The following IL16 variants were observed in gnomAD, a reference collection of about 807,000 sequenced individuals.
IL16 encodes interleukin 16.
In IL16, 67 loss-of-function variants were observed where a neutral mutation model predicts 110.1. The observed-to-expected ratio is 0.61, with a 90% CI of 0.50 to 0.75. The LOEUF is 0.75. Among genes scored for constraint, IL16 ranks in the 30% least tolerant of loss-of-function variants. The pLI is 0.00. For missense variants in IL16, 1,545 were observed against 1,655.0 expected, an observed-to-expected ratio of 0.93 and a Z score of 1.15; for synonymous variants, 689 against 662.9, an observed-to-expected ratio of 1.04 and a Z score of -0.61.
At chr15:81,282,076 A>G (rs925175141) in intron 8 of IL16, among the ~76,000 whole-genome samples, 5 of 152,216 alleles carry the variant, frequency 3.3e-5, no homozygotes, top group Middle Eastern at 3.2e-3. Context: ...GCCCCACTGA[A>G]TCTGCGCTTG....
At chr15:81,246,077 T>A (rs1897536255) in intron 2 of IL16, among the ~76,000 whole-genome samples, 1 of 152,168 alleles carries the variant, frequency 6.6e-6, no homozygotes, top group Non-Finnish European at 1.5e-5. Flanking sequence ...TTCTACATAA[T>A]CATATCATCT....
rs1899645051 is a variant in IL16, at chr15:81,290,187, A to G, written c.1333-266A>G. 6 of 482,434 alleles carry G rather than the reference A, an allele frequency of 1.2e-5. No homozygotes were observed. The South Asian group carries it at 1.6e-4, about 13-fold the overall frequency. The allele number at this position is 482,434 out of a possible 1,614,324, so 29.9% of individuals were successfully genotyped here. A position where few individuals can be genotyped will look rare whatever the true frequency, so the allele number is the denominator to read the frequency against. ...GTGGTAACTTTGCCTAGAATTTTCC[A>G]GCAAGTAGTGGGGAGAAGGTTGGAG... On this transcript the variant is annotated intron_variant, in intron 10 of 18. Transcript: ENST00000683961.
chr15:81,256,671 C>T (rs1897958718), intron 2 of IL16, among the ~76,000 whole-genome samples: 1 of 152,020 alleles, frequency 6.6e-6, no homozygotes, highest in Non-Finnish European at 1.5e-5. Context: ...GCTTAGTATT[C>T]GATGTATTGT....
Position 81,278,865 on chromosome 15 carries a change from A to T in IL16, c.839A>T (p.His280Leu). The T allele has an allele frequency of 1.2e-6, 2 of 1,613,168 alleles. No individual in the cohort carries two copies. The highest frequency in any genetic ancestry group is 1.7e-6 in the Non-Finnish European group (2 of 1,179,092). ...GGTGAATCAATGGCTGGACTAACAC[A>T]TCAGGATGCTTTGCAGAAGTTCAAG... ...LNGESMAGLT[H>L]QDALQKFKQA... is the part of the protein sequence containing the mutation. The change falls in exon 7 of 19, where the codon CAT becomes CTT. Residue 280 changes from histidine to leucine, a missense_variant. Physicochemically the swap from His to Leu is moderately conservative, Grantham distance 99. Around this residue, in one of 3 missense-constraint regions of IL16, gnomAD observed 1,185 missense variants for 1,238.8 expected, o/e 0.96. Transcript: ENST00000683961.
intron 2 of IL16, among the ~76,000 whole-genome samples, chr15:81,256,156 T>G (rs1897936458): frequency 6.6e-6 from 1 of 152,198 alleles, no homozygotes; most frequent in Admixed American, 6.5e-5. Context: ...AGTAAGTGCT[T>G]AATAAACATT....
intron 2 of IL16, among the ~76,000 whole-genome samples, chr15:81,234,030 T>G (rs940699249): frequency 1.3e-5 from 2 of 152,136 alleles, no homozygotes; most frequent in African/African-American, 4.8e-5. Context: ...TTTCGAAATA[T>G]TCTTTTGACT....
chr15:81,215,572 G>A (rs1595955727), intron 1 of IL16, among the ~76,000 whole-genome samples: 1 of 152,288 alleles, frequency 6.6e-6, no homozygotes, highest in Non-Finnish European at 1.5e-5. Context: ...GAGCCTTGGG[G>A]AGACCCTTTT....
chr15:81,283,156 G>A (rs1273984403), intron 9 of IL16, among the ~76,000 whole-genome samples: 1 of 152,194 alleles, frequency 6.6e-6, no homozygotes, highest in Non-Finnish European at 1.5e-5. Flanking sequence ...AGGTGGGGCG[G>A]CCTAAATACC....
At chr15:81,282,084 T>C (rs1443075746) in intron 8 of IL16, among the ~76,000 whole-genome samples, 1 of 152,252 alleles carries the variant, frequency 6.6e-6, no homozygotes, top group African/African-American at 2.4e-5. Flanking sequence ...GAATCTGCGC[T>C]TGATCCCTCT....
At chr15:81,228,099 G>C (rs767578587) in intron 2 of IL16, among the ~76,000 whole-genome samples, 1 of 152,092 alleles carries the variant, frequency 6.6e-6, no homozygotes, top group African/African-American at 2.4e-5. Flanking sequence ...AGGGACATGC[G>C]TCTGCAAAGA....
Position 81,269,750 on chromosome 15 carries a change from C to T in IL16, c.675+102C>T, listed in dbSNP as rs950980685. ...GATGGGAATAGGACTACTGGGGTGT[C>T]CTGGCGCATCAGAAGAGACAAACAC... is the stretch of plus-strand genomic sequence containing the variant. On this transcript the variant is annotated intron_variant, in intron 5 of 18. Transcript: ENST00000683961. 3 of 789,628 alleles carry T rather than the reference C, an allele frequency of 3.8e-6. No homozygotes were observed. The African/African-American group carries it at 5.1e-5, about 13-fold the overall frequency. The allele number at this position is 789,628 out of a possible 1,614,324, so 48.9% of individuals were successfully genotyped here.
In IL16 at chr15:81,279,506, C is replaced by T; in HGVS notation, c.865-52C>T. 7.6e-6 allele frequency: 10 copies of T among 1,321,438 alleles called. No individual in the cohort carries two copies. The South Asian group carries it at 1.1e-4, about 14-fold the overall frequency. The allele number at this position is 1,321,438 out of a possible 1,614,324, so 81.9% of individuals were successfully genotyped here. On this transcript the variant is annotated intron_variant, in intron 7 of 18. Transcript: ENST00000683961. ...TGTGTTTCCTTAAACAGTATTTCTT[C>T]ATCTCACCCTGGATTGCTGCTGGGT...
intron 2 of IL16, among the ~76,000 whole-genome samples, chr15:81,251,061 G>A (rs753694933): frequency 2.2e-4 from 33 of 152,112 alleles, no homozygotes; most frequent in Non-Finnish European, 4.0e-4. Context: ...TTGTTTCTCA[G>A]AAAAACTATG....
chr15:81,273,757 A>G (rs1898765369), intron 6 of IL16, among the ~76,000 whole-genome samples: 1 of 152,038 alleles, frequency 6.6e-6, no homozygotes, highest in Non-Finnish European at 1.5e-5. Flanking sequence ...AGAGCTCATG[A>G]TCTGCCACAG....
chr15:81,260,566 G>A lies in IL16; in HGVS notation c.421+686G>A, dbSNP rs373581676. On this transcript the variant is annotated intron_variant, in intron 3 of 18. Coordinates refer to ENST00000683961, the MANE Select transcript of IL16 (RefSeq NM_172217.5). ...TACTTAACCAAATCCCTGTTATTAGGTATTTAAGTCATTCTCAGGTTTTCA... is the reference window on the plus strand; with the variant it reads ...TACTTAACCAAATCCCTGTTATTAGATATTTAAGTCATTCTCAGGTTTTCA... 3.3e-5 allele frequency among the ~76,000 whole-genome samples: 5 copies of A among 152,058 alleles called. No homozygotes were observed. The East Asian group carries it at 5.8e-4, about 18-fold the overall frequency.
chr15:81,247,597 C>T (rs867584338), intron 2 of IL16, among the ~76,000 whole-genome samples: 14 of 152,206 alleles, frequency 9.2e-5, no homozygotes, highest in South Asian at 2.1e-4. Flanking sequence ...TTGGTTCCCT[C>T]TTACATAACT....
intron 9 of IL16, 75 bp from the exon 10 acceptor site, chr15:81,285,622 TG>T (rs887337162): frequency 1.3e-6 from 2 of 1,486,444 alleles, no homozygotes; most frequent in Non-Finnish European, 1.9e-6. Context: ...CAGCCAGGAG[TG>T]GGCCCCTGGG....
At chr15:81,193,269 G>C (rs757242363), upstream of IL16, among the ~76,000 whole-genome samples, 1 of 152,136 alleles carries the variant, frequency 6.6e-6, no homozygotes, top group African/African-American at 2.4e-5. Flanking sequence ...TTATTAGGGG[G>C]GGAATCAAGA....
At chr15:81,189,714 A>G (rs1414876653) in intron 1 of IL16, among the ~76,000 whole-genome samples, 2 of 152,186 alleles carry the variant, frequency 1.3e-5, no homozygotes, top group Non-Finnish European at 2.9e-5. Context: ...CTTGCTTAGA[A>G]AGGGCAGAGT....
Sources: gnomAD v4.1 joint callset for allele counts (sites outside exome capture counted in the v4.1 genomes callset) on GRCh38, gnomAD v4.1.1 for gene constraint, gnomAD v4.1.1 regional missense constraint, MANE v1.5 for transcripts, NCBI Gene and HGNC (gene_info 2026-07-23, HGNC 2026-07-21) for gene names.